VAX2: variants seen among roughly 807,000 people sequenced by gnomAD.
The protein encoded by VAX2 is ventral anterior homeobox 2.
A neutral mutation model predicts 12.5 loss-of-function variants in VAX2; 8 were observed. That is an observed-to-expected ratio of 0.64 (90% CI 0.37 to 1.15). The LOEUF is 1.15. Among genes scored for constraint, VAX2 ranks in the 50% most tolerant of loss-of-function variants. VAX2 has a pLI of 0.01. For synonymous variants in VAX2, 183 were observed against 187.6 expected, an observed-to-expected ratio of 0.98 and a Z score of 0.20; for missense variants, 476 against 412.9, an observed-to-expected ratio of 1.15 and a Z score of -1.32.
chr2:70,915,886 C>T (rs1197161892), intron 1 of VAX2, among the ~76,000 whole-genome samples: 1 of 151,916 alleles, frequency 6.6e-6, no homozygotes, highest in African/African-American at 2.4e-5. Context: ...CATTTGAGTC[C>T]CATCTTCATT....
intron 1 of VAX2, among the ~76,000 whole-genome samples, chr2:70,901,359 G>A (rs782015972): frequency 2.6e-5 from 4 of 152,244 alleles, no homozygotes; most frequent in Non-Finnish European, 5.9e-5. Context: ...CCGGCAATCG[G>A]GACCCGCACG....
intron 2 of VAX2, among the ~76,000 whole-genome samples, chr2:70,929,839 T>C (rs1383713413): frequency 6.6e-6 from 1 of 152,234 alleles, no homozygotes; most frequent in Non-Finnish European, 1.5e-5. Flanking sequence ...TTGCTGCCAA[T>C]TGACAGACAG....
chr2:70,915,494 T>A (rs1374603579), intron 1 of VAX2, among the ~76,000 whole-genome samples: 4 of 152,168 alleles, frequency 2.6e-5, no homozygotes, highest in African/African-American at 9.7e-5. Flanking sequence ...CCTCCCAAAG[T>A]GCTGGGATTA....
rs943795899 is a variant in VAX2, at chr2:70,933,139, G to A, written c.808G>A (p.Glu270Lys). 23 of 1,593,914 alleles carry A rather than the reference G, an allele frequency of 1.4e-5. No individual in the cohort carries two copies. In the Admixed American group the frequency reaches 3.0e-4, roughly 21 times the overall value. Residue 270 changes from glutamate to lysine, a missense_variant, in exon 3 of 3, where the codon GAG becomes AAG. Transcript: ENST00000234392. ...CTACGAACTGGGTTCCTCGGCCTTC[G>A]AGCCATACAGCTGGCTAGAACGGAA... is the stretch of plus-strand genomic sequence containing the variant. ...AGYELGSSAFEPYSWLERKVG... is the reference protein window; with the variant it reads ...AGYELGSSAFKPYSWLERKVG...
chr2:70,927,894 G>C (rs1679608984), intron 2 of VAX2, among the ~76,000 whole-genome samples: 1 of 152,182 alleles, frequency 6.6e-6, no homozygotes, highest in African/African-American at 2.4e-5. Flanking sequence ...AGGACCCTGA[G>C]AAAACAGAGG....
At chr2:70,905,463 C>G (rs1478553692) in intron 1 of VAX2, among the ~76,000 whole-genome samples, 3 of 151,646 alleles carry the variant, frequency 2.0e-5, no homozygotes, top group Non-Finnish European at 4.4e-5. Flanking sequence ...TTTTGTTTCC[C>G]CCCCTTCCAT....
chr2:70,902,348 A>G (rs1003757855), intron 1 of VAX2, among the ~76,000 whole-genome samples: 1 of 152,220 alleles, frequency 6.6e-6, no homozygotes, highest in Non-Finnish European at 1.5e-5. Context: ...GAGTCAAGGC[A>G]GTTATACCAT....
In VAX2 at chr2:70,933,078, C is replaced by T. The variant is rs1389215963; in HGVS notation, c.747C>T (p.Cys249=). The change falls in exon 3 of 3, where the codon TGC becomes TGT. Residue 249 remains cysteine (C), a synonymous_variant. Coordinates refer to ENST00000234392, the MANE Select transcript of VAX2 (RefSeq NM_012476.3). ...PPLPPPLPAV[C]FSSAPLLDLP... is the part of the protein sequence containing the mutation. ...TGCCGCCCCCTCTGCCAGCTGTCTG[C>T]TTTTCCTCGGCCCCGCTCCTGGATC... 1 of 1,609,658 alleles carries T rather than the reference C, an allele frequency of 6.2e-7. No homozygotes were observed. Among genetic ancestry groups the T allele is most frequent in the Admixed American group, 1.7e-5 (1 of 59,444 alleles).
chr2:70,921,827 C>T (rs1373433108), intron 2 of VAX2, among the ~76,000 whole-genome samples: 3 of 152,080 alleles, frequency 2.0e-5, no homozygotes, highest in Non-Finnish European at 4.4e-5. Flanking sequence ...GGCATTTTAA[C>T]AGCAGTGTGC....
chr2:70,916,950 A>C lies in VAX2; in HGVS notation c.248-4148A>C, dbSNP rs542423374. 4.6e-5 allele frequency among the ~76,000 whole-genome samples: 7 copies of C among 152,216 alleles called. No homozygotes were observed. The East Asian group carries it at 5.8e-4, about 13-fold the overall frequency. On this transcript the variant is annotated intron_variant, in intron 1 of 2. Coordinates refer to ENST00000234392, the MANE Select transcript of VAX2 (RefSeq NM_012476.3). ...TGGATCACCTGAGGTCAGGAGTTCGAGACCAGCCTGGCCAACATGGTAAAA... is the reference window on the plus strand; with the variant it reads ...TGGATCACCTGAGGTCAGGAGTTCGCGACCAGCCTGGCCAACATGGTAAAA...
intron 2 of VAX2, among the ~76,000 whole-genome samples, chr2:70,932,316 G>A (rs1412092101): frequency 6.6e-6 from 1 of 152,112 alleles, no homozygotes; most frequent in Non-Finnish European, 1.5e-5. Flanking sequence ...GCAGGCAGGT[G>A]GATACATGGC....
In VAX2 at chr2:70,918,256, C is replaced by T. The variant is rs142435629; in HGVS notation, c.248-2842C>T. ...TCCCTGAGGCTGACTATGAACAGGACGGTGCTTGAGAACCTGTGAGATCTG... is the reference window on the plus strand; with the variant it reads ...TCCCTGAGGCTGACTATGAACAGGATGGTGCTTGAGAACCTGTGAGATCTG... On this transcript the variant is annotated intron_variant, in intron 1 of 2. Transcript: ENST00000234392. Among the ~76,000 whole-genome samples, 777 of 152,292 alleles carry T rather than the reference C, an allele frequency of 5.1e-3. 6 individuals are homozygous for T. Among genetic ancestry groups the T allele is most frequent in the African/African-American group, 0.017 (698 of 41,546 alleles).
At chr2:70,928,830 A>T (rs1183803860) in intron 2 of VAX2, among the ~76,000 whole-genome samples, 10 of 152,240 alleles carry the variant, frequency 6.6e-5, no homozygotes, top group Non-Finnish European at 1.3e-4. Flanking sequence ...ATAAATAACT[A>T]TTCACATTTC....
intron 2 of VAX2, among the ~76,000 whole-genome samples, chr2:70,925,700 A>T (rs782019524): frequency 9.9e-5 from 15 of 152,156 alleles, no homozygotes; most frequent in Non-Finnish European, 1.9e-4. Flanking sequence ...CAGGGATTAA[A>T]AACAGAAGCC....
intron 2 of VAX2, among the ~76,000 whole-genome samples, chr2:70,925,697 T>G (rs1423662312): frequency 1.3e-5 from 2 of 152,088 alleles, no homozygotes; most frequent in Non-Finnish European, 2.9e-5. Context: ...CCCCAGGGAT[T>G]AAAAACAGAA....
At chr2:70,906,150 A>G (rs1480029762) in intron 1 of VAX2, among the ~76,000 whole-genome samples, 1 of 152,260 alleles carries the variant, frequency 6.6e-6, no homozygotes, top group African/African-American at 2.4e-5. Context: ...GAAGACACCA[A>G]CGCTGCATGG....
chr2:70,922,036 C>T (rs1553412935), intron 2 of VAX2, among the ~76,000 whole-genome samples: 2 of 152,112 alleles, frequency 1.3e-5, no homozygotes. Flanking sequence ...GATGTCATTC[C>T]CATGTTACAC....
At chr2:70,921,974 GCA>G (rs1679468405) in intron 2 of VAX2, among the ~76,000 whole-genome samples, 1 of 152,150 alleles carries the variant, frequency 6.6e-6, no homozygotes, top group African/African-American at 2.4e-5. Context: ...CATGTGTCAG[GCA>G]CTAAGTGCTT....
intron 1 of VAX2, among the ~76,000 whole-genome samples, chr2:70,901,630 G>C (rs1269168713): frequency 6.6e-6 from 1 of 152,208 alleles, no homozygotes; most frequent in Admixed American, 6.5e-5. Flanking sequence ...TCTGGACTGC[G>C]ACCGATTACC....
Sources: allele counts gnomAD v4.1 joint callset (sites outside exome capture counted in the v4.1 genomes callset), GRCh38; gene constraint gnomAD v4.1.1; transcripts MANE v1.5; gene names NCBI Gene and HGNC (gene_info 2026-07-23, HGNC 2026-07-21).